Variants in LMX1A observed in about 807,000 individuals in gnomAD.
The protein encoded by LMX1A is LIM homeobox transcription factor 1-alpha.
LMX1A carries 15 observed loss-of-function variants against 49.1 expected under a neutral mutation model. The observed-to-expected ratio is 0.31, with a 90% CI of 0.20 to 0.47. The LOEUF is 0.47. LMX1A is among the 20% of genes least tolerant of loss of function. The pLI, the probability that LMX1A is intolerant of heterozygous loss-of-function variation, is 1.00. For missense variants in LMX1A, 372 were observed against 475.8 expected (o/e 0.78, Z 2.03); for synonymous variants, 167 against 185.7 (o/e 0.90, Z 0.82).
chr1:165,243,687 C>G (rs1361419263), intron 4 of LMX1A, among the ~76,000 whole-genome samples: 1 of 152,194 alleles, frequency 6.6e-6, no homozygotes, highest in African/African-American at 2.4e-5. Context: ...TTTGTGAGTT[C>G]CCGAAAGTAC....
chr1:165,230,080 G>A (rs1652186126), intron 4 of LMX1A, among the ~76,000 whole-genome samples: 1 of 152,134 alleles, frequency 6.6e-6, no homozygotes, highest in Admixed American at 6.5e-5. Context: ...TGCCACTTGA[G>A]AGCACAAGGA....
intron 3 of LMX1A, among the ~76,000 whole-genome samples, chr1:165,253,734 GA>G (rs1653136014): frequency 6.6e-6 from 1 of 152,170 alleles, no homozygotes; most frequent in African/African-American, 2.4e-5. Context: ...CTCAGCTTCA[GA>G]AAGGAAGTGA....
intron 3 of LMX1A, among the ~76,000 whole-genome samples, chr1:165,310,527 T>C (rs1655046930): frequency 6.6e-6 from 1 of 152,252 alleles, no homozygotes; most frequent in African/African-American, 2.4e-5. Context: ...GCCATCATTA[T>C]ACCCCCTGAC....
intron 3 of LMX1A, among the ~76,000 whole-genome samples, chr1:165,335,206 T>C (rs1655862987): frequency 6.6e-6 from 1 of 152,230 alleles, no homozygotes; most frequent in Non-Finnish European, 1.5e-5. Context: ...CCCACAGTTT[T>C]GCATGGTACC....
intron 3 of LMX1A, among the ~76,000 whole-genome samples, chr1:165,316,985 C>T (rs906268): frequency 0.87 from 132,864 of 152,188 alleles, 58,474 homozygotes; most frequent in East Asian, 0.94. Flanking sequence ...AAGAAAAAAA[C>T]CCAAAAGATA....
At chr1:165,248,357 C>T (rs1419430776) in intron 4 of LMX1A, among the ~76,000 whole-genome samples, 7 of 152,076 alleles carry the variant, frequency 4.6e-5, no homozygotes, top group African/African-American at 1.7e-4. Context: ...TTACAGGGGG[C>T]TTGGAAATGG....
chr1:165,244,170 G>A (rs531450085), intron 4 of LMX1A, among the ~76,000 whole-genome samples: 1 of 152,234 alleles, frequency 6.6e-6, no homozygotes, highest in African/African-American at 2.4e-5. Context: ...CTGGAGGGGT[G>A]CATCCAGAGA....
intron 3 of LMX1A, among the ~76,000 whole-genome samples, chr1:165,294,502 T>C (rs987772378): frequency 1.6e-4 from 24 of 152,350 alleles, no homozygotes; most frequent in Non-Finnish European, 3.1e-4. Context: ...GGGATGACAA[T>C]CTGGAGAAAT....
chr1:165,310,765 C>T (rs1217055807), intron 3 of LMX1A, among the ~76,000 whole-genome samples: 1 of 152,226 alleles, frequency 6.6e-6, no homozygotes, highest in African/African-American at 2.4e-5. Context: ...CACTGAAAGT[C>T]AAACCACAAG....
At chr1:165,213,848 G>GGGGCTTT (rs1370802130) in intron 4 of LMX1A, 35 bp from the exon 5 acceptor site, 7 of 1,603,064 alleles carry the variant, frequency 4.4e-6, no homozygotes. Context: ...GTGAGTCCCT[G>GGGGCTTT]AAAGCCAGTT....
intron 3 of LMX1A, among the ~76,000 whole-genome samples, chr1:165,265,414 G>T (rs1653592819): frequency 3.9e-5 from 6 of 152,210 alleles, no homozygotes. Context: ...CCTAGAGCCA[G>T]GCACAAGGGC....
intron 3 of LMX1A, among the ~76,000 whole-genome samples, chr1:165,277,391 C>A (rs1654002106): frequency 6.6e-6 from 1 of 152,222 alleles, no homozygotes; most frequent in Non-Finnish European, 1.5e-5. Flanking sequence ...GCCAAATCCC[C>A]CCCTTGGGAA....
At chr1:165,324,545 G>T (rs960422428) in intron 3 of LMX1A, among the ~76,000 whole-genome samples, 2 of 152,060 alleles carry the variant, frequency 1.3e-5, no homozygotes, top group African/African-American at 4.8e-5. Flanking sequence ...TCCAGCTCCA[G>T]GAGGACAAAC....
chr1:165,319,339 T>C (rs1655315132), intron 3 of LMX1A, among the ~76,000 whole-genome samples: 1 of 152,148 alleles, frequency 6.6e-6, no homozygotes, highest in Non-Finnish European at 1.5e-5. Context: ...TATAGATTTA[T>C]TAAAGTATAA....
intron 3 of LMX1A, 85 bp downstream of exon 3, chr1:165,352,991 A>G: frequency 7.2e-7 from 1 of 1,395,868 alleles, no homozygotes; most frequent in South Asian, 1.3e-5. Context: ...GCCTTCCAGA[A>G]AAGGACTAGG....
At chr1:165,271,170 C>T (rs562878804) in intron 3 of LMX1A, among the ~76,000 whole-genome samples, 1 of 152,092 alleles carries the variant, frequency 6.6e-6, no homozygotes, top group Admixed American at 6.5e-5. Context: ...GAAATAAGGG[C>T]AAATCTGCTA....
intron 3 of LMX1A, among the ~76,000 whole-genome samples, chr1:165,344,386 G>A (rs1656171672): frequency 2.6e-5 from 4 of 152,222 alleles, no homozygotes. Context: ...AGGAGAAAGA[G>A]TGAGGCGGTA....
chr1:165,243,612 T>G (rs993160609), intron 4 of LMX1A, among the ~76,000 whole-genome samples: 2 of 152,202 alleles, frequency 1.3e-5, no homozygotes, highest in African/African-American at 4.8e-5. Context: ...AGAAAATATC[T>G]TACATCTTAG....
In LMX1A at chr1:165,355,364, T is replaced by C. The variant is rs1656571923; in HGVS notation, c.76+120A>G. On this transcript the variant is annotated intron_variant, in intron 2 of 8. Transcript: ENST00000342310. This position sits in a 1 kb window ranked among gnomAD's most constrained non-coding sequence, Gnocchi z 4.7. ...GGACAGATAGTGATGGGGCTCAATT[T>C]AGTGTATGAAGAGGGGCGCTAGCTT... 2 of 877,100 alleles carry C rather than the reference T, an allele frequency of 2.3e-6. No homozygotes were observed. The highest frequency in any genetic ancestry group is 1.5e-5 in the South Asian group (1 of 65,348). 54.3% of individuals were successfully genotyped at this position (877,100 alleles called of 1,614,324 possible).
Sources: allele counts gnomAD v4.1 joint callset (sites outside exome capture counted in the v4.1 genomes callset), GRCh38; gene constraint gnomAD v4.1.1; non-coding constraint Gnocchi (gnomAD v3.1); transcripts MANE v1.5; gene names NCBI Gene and HGNC (gene_info 2026-07-23, HGNC 2026-07-21).